Variants in AVIL observed in about 807,000 individuals in gnomAD.
The protein encoded by AVIL is advillin.
In AVIL, 78 loss-of-function variants were observed where a neutral mutation model predicts 109.9. The observed-to-expected ratio is 0.71, with a 90% confidence interval of 0.59 to 0.86. AVIL has a LOEUF of 0.86. AVIL is among the 40% of genes least tolerant of loss of function. AVIL has a pLI of 0.00. For synonymous variants in AVIL, 367 were observed against 379.1 expected (o/e 0.97, Z 0.37); for missense variants, 892 against 1,016.5 (o/e 0.88, Z 1.67).
intron 9 of AVIL, 142 bp from the exon 10 acceptor site, chr12:57,808,690 G>T (rs1446825210): frequency 2.9e-6 from 3 of 1,018,036 alleles, no homozygotes; most frequent in East Asian, 5.3e-5. Flanking sequence ...ACTCACTTTT[G>T]TCTAAGGACC....
At chr12:57,807,760 A>C (rs927583280) in intron 11 of AVIL, 33 bp from the exon 12 acceptor site, 5 of 1,613,756 alleles carry the variant, frequency 3.1e-6, no homozygotes, top group Non-Finnish European at 4.2e-6. Flanking sequence ...TTTTCCAGAG[A>C]TGGGGGTGCT....
chr12:57,803,239 T>G lies in AVIL; in HGVS notation c.1962+8A>C, dbSNP rs774128031. The G allele has an allele frequency of 8.7e-6, 14 of 1,614,008 alleles. No individual in the cohort carries two copies. The Admixed American group carries it at 2.0e-4, about 23-fold the overall frequency. On this transcript the variant is annotated splice_region_variant and intron_variant, in intron 16 of 19. Coordinates refer to ENST00000549994, the MANE Select transcript of AVIL (RefSeq NM_006576.4). ...TCTCATGTTCTGACTTCTGCAGCTGTGTCTTACCTGGTCCCAGGTATCTAG... is the reference window on the plus strand; with the variant it reads ...TCTCATGTTCTGACTTCTGCAGCTGGGTCTTACCTGGTCCCAGGTATCTAG...
At chr12:57,813,478 C>A in intron 3 of AVIL, 55 bp from the exon 4 acceptor site, 1 of 1,545,158 alleles carries the variant, frequency 6.5e-7, no homozygotes, top group South Asian at 1.2e-5. Flanking sequence ...CCCTTTGCTG[C>A]TGGCCCCTGT....
At chr12:57,813,527 A>T (rs561918670) in intron 3 of AVIL, 104 bp from the exon 4 acceptor site, 1 of 1,138,184 alleles carries the variant, frequency 8.8e-7, no homozygotes, top group Non-Finnish European at 1.3e-6. Flanking sequence ...CCCTTGGCAG[A>T]CTGAGGGCCC....
Position 57,808,475 on chromosome 12 carries a change from A to G in AVIL, c.1013T>C (p.Met338Thr), listed in dbSNP as rs750538192. The change falls in exon 10 of 20, where the codon ATG becomes ACG. Residue 338 changes from methionine (M) to threonine (T), a missense_variant. Transcript: ENST00000549994. ...ETVNDGAESA[M>T]FKQLFQKWSV... ...CCACTTCTGGAACAGCTGCTTGAAC[A>G]TGGCCGACTCAGCACCATCGTTGAC... The G allele has an allele frequency of 1.2e-6, 2 of 1,614,048 alleles. No individual in the cohort carries two copies. The highest frequency in any genetic ancestry group is 2.7e-5 in the African/African-American group (2 of 74,900).
At chr12:57,812,112 C>T (rs1211381142) in intron 4 of AVIL, among the ~76,000 whole-genome samples, 1 of 152,194 alleles carries the variant, frequency 6.6e-6, no homozygotes, top group Non-Finnish European at 1.5e-5. Context: ...TCAGGGACTG[C>T]AGGCTCGATA....
Position 57,806,526 on chromosome 12 carries a change from C to G in AVIL, c.1505G>C (p.Arg502Thr), listed in dbSNP as rs552650655. The change falls in exon 14 of 20, where the codon AGG becomes ACG. Residue 502 changes from arginine (R) to threonine (T), a missense_variant. Coordinates refer to ENST00000549994, the MANE Select transcript of AVIL (RefSeq NM_006576.4). Reference protein sequence around the residue: ...KLVIFEGGTSRKGNAEPDPPV... With the variant: ...KLVIFEGGTSTKGNAEPDPPV... The stretch of plus-strand genomic sequence containing the variant: ...AGGGTCAGGCTCGGCATTTCCCTTC[C>G]TGGAAGTCCCACCCTAGAGAGAAGA... 12 of 1,614,092 alleles carry G rather than the reference C, an allele frequency of 7.4e-6. No homozygotes were observed. The South Asian group carries it at 1.1e-4, about 15-fold the overall frequency.
At chr12:57,808,088 G>T in intron 11 of AVIL, 106 bp downstream of exon 11, 1 of 1,328,882 alleles carries the variant, frequency 7.5e-7, no homozygotes, top group Non-Finnish European at 1.1e-6. Flanking sequence ...TGCCGGAGGG[G>T]AAAGGGAAAG....
chr12:57,803,866 T>C, intron 14 of AVIL, 197 bp from the exon 15 acceptor site: 1 of 651,512 alleles, frequency 1.5e-6, no homozygotes. Flanking sequence ...AGAACAGGAC[T>C]AGGCTTTGAA....
In AVIL at chr12:57,808,389, T is replaced by G; in HGVS notation, c.1093+6A>C. On this transcript the variant is annotated splice_donor_region_variant and intron_variant, in intron 10 of 19. Coordinates refer to ENST00000549994, the MANE Select transcript of AVIL (RefSeq NM_006576.4). ...CAATGAGAGGATGATCTGGGGGCAG[T>G]CTCACCAATTTTACCAATGCTGAAC... 6.2e-7 allele frequency: 1 copy of G among 1,614,126 alleles called. No homozygotes were observed. The highest frequency in any genetic ancestry group is 8.5e-7 in the Non-Finnish European group (1 of 1,179,988).
rs375036175 is a variant in AVIL at position 57,806,341 on chromosome 12, C to A, written c.1671+19G>T. The A allele has an allele frequency of 6.2e-7, 1 of 1,613,484 alleles. No homozygotes were observed. The highest frequency in any genetic ancestry group is 8.5e-7 in the Non-Finnish European group (1 of 1,179,822). On this transcript the variant is annotated intron_variant, in intron 14 of 19. Transcript: ENST00000549994. ...TGGGCTCCGAGGGGCTGGTCTGACC[C>A]GGGGCCCAGCCATCCTACCTTGCCA...
intron 7 of AVIL, 121 bp from the exon 8 acceptor site, chr12:57,810,011 C>T: frequency 3.0e-6 from 3 of 1,005,032 alleles, no homozygotes; most frequent in South Asian, 1.4e-5. Context: ...CTGCCTAAGA[C>T]AGCCATGACT....
At position 57,814,065 on chromosome 12, in the gene AVIL, A is replaced by G. The variant is rs1956071358; in HGVS notation, c.141+87T>C. The G allele has an allele frequency of 4.3e-6, 6 of 1,401,770 alleles. No individual in the cohort carries two copies. The South Asian group carries it at 7.4e-5, about 17-fold the overall frequency. 86.8% of individuals were successfully genotyped at this position (1,401,770 alleles called of 1,614,324 possible). On this transcript the variant is annotated intron_variant, in intron 3 of 19. Coordinates refer to ENST00000549994, the MANE Select transcript of AVIL (RefSeq NM_006576.4). ...TTGAGACCGATACCAGGGACTGACT[A>G]CCTTCCCTCACCAGCACATCTCCCA...
Position 57,802,227 on chromosome 12 carries a change from A to G in AVIL, c.2084T>C (p.Ile695Thr), listed in dbSNP as rs755093577. The G allele has an allele frequency of 6.2e-7, 1 of 1,614,148 alleles. No individual in the cohort carries two copies. Among genetic ancestry groups the G allele is most frequent in the Non-Finnish European group, 8.5e-7 (1 of 1,179,990 alleles). Residue 695 changes from isoleucine to threonine, a missense_variant, in exon 17 of 20, where the codon ATT (isoleucine) becomes ACT (threonine). Ile to Thr is a moderately conservative substitution (Grantham distance 89). Transcript: ENST00000549994. ...GATGGGAGGCTCAAACCCCTGCTTAATGATCAGGATTGGTGTGTCGGGATC... is the reference window on the plus strand; with the variant it reads ...GATGGGAGGCTCAAACCCCTGCTTAGTGATCAGGATTGGTGTGTCGGGATC... ...GRDPDTPILI[I>T]KQGFEPPIFT...
intron 11 of AVIL, 101 bp downstream of exon 11, chr12:57,808,093 G>A (rs1430176123): frequency 1.5e-6 from 2 of 1,376,480 alleles, no homozygotes; most frequent in Non-Finnish European, 1.0e-6. Context: ...GAGGGGAAAG[G>A]GAAAGCAAAG....
intron 17 of AVIL, 132 bp from the exon 18 acceptor site, chr12:57,801,344 T>G (rs1331902546): frequency 4.4e-6 from 3 of 687,114 alleles, no homozygotes; most frequent in Admixed American, 2.9e-5. Flanking sequence ...TAAGTAAAAA[T>G]GAAAATCCCC....
At chr12:57,808,642 A>C in intron 9 of AVIL, 94 bp from the exon 10 acceptor site, 1 of 1,416,902 alleles carries the variant, frequency 7.1e-7, no homozygotes, top group Non-Finnish European at 9.5e-7. Flanking sequence ...GCCACATGAT[A>C]TAAGCGTCTC....
chr12:57,808,814 A>T, intron 9 of AVIL: 1 of 437,586 alleles, frequency 2.3e-6, no homozygotes, highest in Non-Finnish European at 4.1e-6. Flanking sequence ...TTCTTTCAGT[A>T]CTTTTGTCCT....
chr12:57,807,910 T>A, intron 11 of AVIL, 183 bp from the exon 12 acceptor site: 1 of 915,988 alleles, frequency 1.1e-6, no homozygotes, highest in Non-Finnish European at 1.7e-6. Flanking sequence ...TGAGATGAAC[T>A]GGGCCATCCT....
Sources: gnomAD v4.1 joint callset for allele counts (sites outside exome capture counted in the v4.1 genomes callset) on GRCh38, gnomAD v4.1.1 for gene constraint, MANE v1.5 for transcripts, NCBI Gene and HGNC (gene_info 2026-07-23, HGNC 2026-07-21) for gene names.